The following RBFOX1 variants were observed in gnomAD, a reference collection of about 807,000 sequenced individuals.
The protein encoded by RBFOX1 is RNA binding fox-1 homolog 1, also known as RNA binding protein fox-1 homolog 1.
A neutral mutation model predicts 57.7 loss-of-function variants in RBFOX1; 8 were observed. The observed-to-expected ratio is 0.14, with a 90% CI of 0.08 to 0.25. RBFOX1 has a LOEUF of 0.25. Among genes scored for constraint, RBFOX1 ranks in the 10% least tolerant of loss-of-function variants. The probability of loss-of-function intolerance (pLI) is 1.00; values close to 1 mark genes in which losing one functional copy is unlikely to be tolerated. For missense variants in RBFOX1, 611 were observed against 548.5 expected, an observed-to-expected ratio of 1.11 and a Z score of -1.14; for synonymous variants, 326 against 222.4, an observed-to-expected ratio of 1.47 and a Z score of -4.15.
chr16:5,615,455 C>T (rs9932309), intron 3 of RBFOX1, among the ~76,000 whole-genome samples: 115,813 of 152,184 alleles, frequency 0.76, 44,301 homozygotes, highest in East Asian at 0.86. Flanking sequence ...AAGACAGCTA[C>T]GTTTATCTGA....
intron 3 of RBFOX1, among the ~76,000 whole-genome samples, chr16:6,991,366 G>C (rs1287354401): frequency 6.6e-6 from 1 of 152,094 alleles, no homozygotes; most frequent in African/African-American, 2.4e-5. Context: ...ACAGGCCCTG[G>C]ACAGGATGCC....
chr16:6,925,117 T>G (rs2075311174), intron 3 of RBFOX1, among the ~76,000 whole-genome samples: 1 of 30,776 alleles, frequency 3.2e-5, no homozygotes, highest in African/African-American at 1.5e-4. Flanking sequence ...TGGTTTTTTT[T>G]TTTTTTTTTT....
intron 1 of RBFOX1, among the ~76,000 whole-genome samples, chr16:5,379,186 C>G (rs941817354): frequency 2.0e-5 from 3 of 151,668 alleles, no homozygotes; most frequent in African/African-American, 7.3e-5. Flanking sequence ...TCTCAAGGCA[C>G]TGACGGGGAC....
chr16:6,120,651 T>G (rs181190364), intron 1 of RBFOX1, among the ~76,000 whole-genome samples: 1 of 152,330 alleles, frequency 6.6e-6, no homozygotes, highest in Admixed American at 6.5e-5. Flanking sequence ...CTTATAATAA[T>G]TATTGTTATT....
intron 4 of RBFOX1, among the ~76,000 whole-genome samples, chr16:7,301,289 C>G (rs1398365090): frequency 6.6e-6 from 1 of 152,202 alleles, no homozygotes; most frequent in African/African-American, 2.4e-5. Flanking sequence ...GGGAAGGGGA[C>G]TTGTCCCTGT....
At position 5,296,927 on chromosome 16, in the gene RBFOX1, C is replaced by G. The variant is rs569627461; in HGVS notation, c.219+56822C>G. Among the ~76,000 whole-genome samples, 3 of 152,066 alleles carry G rather than the reference C, an allele frequency of 2.0e-5. No homozygotes were observed. The East Asian group carries it at 5.8e-4, about 29-fold the overall frequency. On this transcript the variant is annotated intron_variant, in intron 1 of 2. Transcript: ENST00000585867. ...CTCCTACCTCATGATCCTCCTGCCT[C>G]GACCTCCCAAAGTGCTGGGATTACA...
intron 1 of RBFOX1, among the ~76,000 whole-genome samples, chr16:6,306,621 C>G (rs1426217509): frequency 1.3e-5 from 2 of 152,144 alleles, no homozygotes; most frequent in African/African-American, 4.8e-5. Context: ...AGCCTGATTC[C>G]TCTTGGTCAG....
intron 5 of RBFOX1, among the ~76,000 whole-genome samples, chr16:7,543,370 C>G (rs1357986217): frequency 6.6e-6 from 1 of 152,172 alleles, no homozygotes; most frequent in African/African-American, 2.4e-5. Flanking sequence ...AATTACAAGA[C>G]TTTTTTACAG....
Position 7,016,564 on chromosome 16 carries a change from A to G in RBFOX1, c.-15-35493A>G, listed in dbSNP as rs375124555. Among the ~76,000 whole-genome samples, 28 of 152,260 alleles carry G rather than the reference A, an allele frequency of 1.8e-4. 2 individuals are homozygous for G. Among genetic ancestry groups the G allele is most frequent in the Admixed American group, 1.1e-3 (17 of 15,308 alleles). ...TTGCACACAGCGTTTTGCATATATC[A>G]TCTCACGTAATTCCTCCAGCCACAC... is the stretch of plus-strand genomic sequence containing the variant. On this transcript the variant is annotated intron_variant, in intron 3 of 15. Coordinates refer to ENST00000550418, the MANE Select transcript of RBFOX1 (RefSeq NM_018723.4).
intron 1 of RBFOX1, among the ~76,000 whole-genome samples, chr16:6,233,328 C>T (rs1191097339): frequency 6.6e-6 from 1 of 152,080 alleles, no homozygotes; most frequent in East Asian, 1.9e-4. Flanking sequence ...TAATTCCTTG[C>T]ATCTCTATGG....
chr16:7,448,313 T>C (rs1473672446), intron 4 of RBFOX1, among the ~76,000 whole-genome samples: 2 of 152,172 alleles, frequency 1.3e-5, no homozygotes, highest in Non-Finnish European at 2.9e-5. Context: ...ATGCTGCTAA[T>C]AAAGACATAC....
At chr16:6,494,551 G>GTA (rs1287294484) in intron 2 of RBFOX1, among the ~76,000 whole-genome samples, 1 of 152,142 alleles carries the variant, frequency 6.6e-6, no homozygotes, top group East Asian at 1.9e-4. Flanking sequence ...ATTTTGCATG[G>GTA]TATATATATG....
chr16:7,642,384 A>G (rs1016881682), intron 11 of RBFOX1, among the ~76,000 whole-genome samples: 4 of 152,142 alleles, frequency 2.6e-5, no homozygotes, highest in Non-Finnish European at 5.9e-5. Context: ...CAGATCAGCT[A>G]TCCCCACAGC....
intron 2 of RBFOX1, among the ~76,000 whole-genome samples, chr16:5,598,614 A>T (rs1169512379): frequency 6.6e-6 from 1 of 152,162 alleles, no homozygotes; most frequent in East Asian, 1.9e-4. Flanking sequence ...GAGGTGTTTT[A>T]TATTCATTTT....
intron 4 of RBFOX1, among the ~76,000 whole-genome samples, chr16:7,323,452 A>C (rs906157434): frequency 6.6e-6 from 1 of 152,174 alleles, no homozygotes; most frequent in African/African-American, 2.4e-5. Flanking sequence ...TTTTCTAAAA[A>C]CCCAGGCCAC....
At chr16:7,065,101 T>C (rs1180091770) in intron 4 of RBFOX1, among the ~76,000 whole-genome samples, 2 of 152,228 alleles carry the variant, frequency 1.3e-5, no homozygotes, top group Admixed American at 6.5e-5. Flanking sequence ...CTCTGGAGTT[T>C]ACAGCCTCCT....
intron 4 of RBFOX1, among the ~76,000 whole-genome samples, chr16:7,421,704 G>T (rs995375567): frequency 2.6e-5 from 4 of 152,210 alleles, no homozygotes; most frequent in African/African-American, 9.6e-5. Flanking sequence ...CTTTGCCAAA[G>T]GGCAGTCATA....
At chr16:5,299,462 T>A (rs1317772268) in intron 1 of RBFOX1, among the ~76,000 whole-genome samples, 2 of 152,256 alleles carry the variant, frequency 1.3e-5, no homozygotes, top group Non-Finnish European at 1.5e-5. Context: ...GGAGTAGAAT[T>A]GCTGAGACAT....
intron 2 of RBFOX1, among the ~76,000 whole-genome samples, chr16:6,522,177 G>GTGTA: frequency 6.6e-6 from 1 of 151,868 alleles, no homozygotes. Context: ...GTGTGTGTGT[G>GTGTA]TGTGTGTGTG....
Sources: allele counts gnomAD v4.1 joint callset (sites outside exome capture counted in the v4.1 genomes callset), GRCh38; gene constraint gnomAD v4.1.1; transcripts MANE v1.5; gene names NCBI Gene and HGNC (gene_info 2026-07-23, HGNC 2026-07-21).